The following RPRD1B variants were observed in gnomAD, a reference collection of about 807,000 sequenced individuals.
The protein encoded by RPRD1B is regulation of nuclear pre-mRNA domain-containing protein 1B.
Under a neutral mutation model 41.5 loss-of-function variants are expected in RPRD1B, and 11 were observed. That is an observed-to-expected ratio of 0.27 (90% confidence interval 0.17 to 0.44). The LOEUF is 0.44. Among genes scored for constraint, RPRD1B ranks in the 20% least tolerant of loss-of-function variants. The probability of loss-of-function intolerance (pLI) is 1.00; values close to 1 mark genes in which losing one functional copy is unlikely to be tolerated. For synonymous variants in RPRD1B, 158 were observed against 155.6 expected, an observed-to-expected ratio of 1.02 and a Z score of -0.12; for missense variants, 248 against 389.9, an observed-to-expected ratio of 0.64 and a Z score of 3.06.
rs569249680 is a variant in RPRD1B at position 38,053,090 on chromosome 20, C to T, written c.416-4442C>T. 6.6e-5 allele frequency among the ~76,000 whole-genome samples: 10 copies of T among 152,096 alleles called. No individual in the cohort carries two copies. The East Asian group carries it at 1.2e-3, about 18-fold the overall frequency. ...GACTTTGGCTACCCCCACAGTTTGT[C>T]CTGCCTGTAAACAGAGTGGTTGAGT... On this transcript the variant is annotated intron_variant, in intron 3 of 6. Transcript: ENST00000373433.
chr20:38,049,336 A>G (rs1463034922), intron 3 of RPRD1B, among the ~76,000 whole-genome samples: 1 of 136,982 alleles, frequency 7.3e-6, no homozygotes, highest in African/African-American at 2.7e-5. Context: ...ATAAGAGCTT[A>G]TATTATTTTT....
At chr20:38,039,067 A>G (rs928886917) in intron 1 of RPRD1B, among the ~76,000 whole-genome samples, 1 of 152,238 alleles carries the variant, frequency 6.6e-6, no homozygotes, top group Admixed American at 6.5e-5. Context: ...TTGAGAAATT[A>G]TGTGCATAGA....
At chr20:38,068,197 G>T (rs2074376644) in intron 6 of RPRD1B, among the ~76,000 whole-genome samples, 1 of 152,188 alleles carries the variant, frequency 6.6e-6, no homozygotes, top group African/African-American at 2.4e-5. Context: ...GCTCTGCGCG[G>T]TTCATTCAGT....
chr20:38,084,381 T>C (rs1357557919), intron 6 of RPRD1B, among the ~76,000 whole-genome samples: 1 of 152,174 alleles, frequency 6.6e-6, no homozygotes, highest in Admixed American at 6.5e-5. Context: ...GGCAAGATGA[T>C]GGAGATTTCC....
intron 3 of RPRD1B, among the ~76,000 whole-genome samples, chr20:38,052,302 TTA>T (rs1456250621): frequency 6.6e-6 from 1 of 152,212 alleles, no homozygotes; most frequent in Non-Finnish European, 1.5e-5. Context: ...GAAGAGGTTT[TTA>T]ATATTTTCAG....
At position 38,035,557 on chromosome 20, in the gene RPRD1B, G is replaced by A. The variant is rs535018363; in HGVS notation, c.151+1459G>A. Among the ~76,000 whole-genome samples, 5 of 152,300 alleles carry A rather than the reference G, an allele frequency of 3.3e-5. No individual in the cohort carries two copies. In the South Asian group the frequency reaches 8.3e-4, roughly 25 times the overall value. On this transcript the variant is annotated intron_variant, in intron 1 of 6. Coordinates refer to ENST00000373433, the MANE Select transcript of RPRD1B (RefSeq NM_021215.4). ...AGCAGGGACTGCCCCCAAATATCGC[G>A]TACTGTACTGAGATAGGGATCCCCT...
chr20:38,040,370 C>T, intron 1 of RPRD1B, 65 bp from the exon 2 acceptor site: 1 of 1,401,836 alleles, frequency 7.1e-7, no homozygotes, highest in Non-Finnish European at 9.6e-7. Flanking sequence ...CAGCCCAGGG[C>T]AAAAGAATTG....
chr20:38,079,001 G>C (rs6013839), intron 6 of RPRD1B, among the ~76,000 whole-genome samples: 40,443 of 151,980 alleles, frequency 0.27, 7,280 homozygotes, highest in African/African-American at 0.52. Flanking sequence ...GTCTTTTCTT[G>C]ACATATTATA....
intron 5 of RPRD1B, among the ~76,000 whole-genome samples, chr20:38,065,168 A>C (rs187141518): frequency 1.7e-4 from 26 of 152,312 alleles, no homozygotes; most frequent in Admixed American, 9.8e-4. Flanking sequence ...TGTAGGAAGA[A>C]GTTCATCCCC....
chr20:38,052,752 GTTTTTTTTTTTTT>G (rs146687415), intron 3 of RPRD1B, among the ~76,000 whole-genome samples: 9 of 81,698 alleles, frequency 1.1e-4, no homozygotes, highest in Middle Eastern at 8.9e-3. Flanking sequence ...CAAACGCGGT[GTTTTTTTTTTTTT>G]TTTTTTTTTT....
In RPRD1B at chr20:38,082,925, A is replaced by C. The variant is rs952171005; in HGVS notation, c.832-6801A>C. Among the ~76,000 whole-genome samples, 3 of 152,368 alleles carry C rather than the reference A, an allele frequency of 2.0e-5. No homozygotes were observed. In the South Asian group the frequency reaches 6.2e-4, roughly 32 times the overall value. On this transcript the variant is annotated intron_variant, in intron 6 of 6. Transcript: ENST00000373433. ...CTAAAAACTACAATAAACATTGCTT[A>C]AAAGAATTTTACATGATACAACCAA...
At chr20:38,038,183 G>A (rs539656402) in intron 1 of RPRD1B, among the ~76,000 whole-genome samples, 62 of 152,212 alleles carry the variant, frequency 4.1e-4, no homozygotes, top group African/African-American at 1.4e-3. Context: ...TTACCAGAAG[G>A]TTAAGACAAT....
intron 6 of RPRD1B, among the ~76,000 whole-genome samples, chr20:38,078,166 CAAA>C (rs1166192655): frequency 1.0e-4 from 11 of 109,888 alleles, no homozygotes; most frequent in African/African-American, 1.3e-4. Context: ...CAGGCTGTCT[CAAA>C]AAAAAAAAAA....
At chr20:38,086,513 T>C (rs537579881) in intron 6 of RPRD1B, among the ~76,000 whole-genome samples, 7 of 152,294 alleles carry the variant, frequency 4.6e-5, no homozygotes, top group African/African-American at 1.7e-4. Context: ...GTGTTTTTCA[T>C]TTTTTTGTGG....
chr20:38,054,694 G>A (rs895161131), intron 3 of RPRD1B, among the ~76,000 whole-genome samples: 1 of 152,206 alleles, frequency 6.6e-6, no homozygotes, highest in Non-Finnish European at 1.5e-5. Context: ...AATAATTTCT[G>A]TGTGAGAGTT....
intron 2 of RPRD1B, among the ~76,000 whole-genome samples, chr20:38,041,142 A>G (rs887769250): frequency 1.4e-5 from 2 of 142,142 alleles, no homozygotes; most frequent in Non-Finnish European, 3.0e-5. Flanking sequence ...CATAGAAAGC[A>G]TACATTGGAT....
chr20:38,061,614 C>T (rs922968026), intron 5 of RPRD1B, among the ~76,000 whole-genome samples: 1 of 152,146 alleles, frequency 6.6e-6, no homozygotes, highest in African/African-American at 2.4e-5. Context: ...TTCTTGACCT[C>T]ATATCTTCCT....
intron 2 of RPRD1B, among the ~76,000 whole-genome samples, 169 bp downstream of exon 2, chr20:38,040,733 G>A (rs997596229): frequency 6.6e-6 from 1 of 152,176 alleles, no homozygotes; most frequent in Non-Finnish European, 1.5e-5. Flanking sequence ...GAACTATCGA[G>A]ACATGTAAAC....
At position 38,057,593 on chromosome 20, in the gene RPRD1B, C is replaced by T. The variant is rs546528471; in HGVS notation, c.477C>T (p.Asp159=). The part of the protein sequence containing the change: ...TFQQIQEEED[D]DYPGSYSPQD... ...AGCAAATTCAGGAGGAGGAGGATGA[C>T]GACTACCCTGGCAGCTACTCTCCTC... Residue 159 remains aspartate (D), a synonymous_variant, in exon 4 of 7, where the codon GAC becomes GAT. Transcript: ENST00000373433. 33 of 1,613,996 alleles carry T rather than the reference C, an allele frequency of 2.0e-5. No homozygotes were observed. Among genetic ancestry groups the T allele is most frequent in the African/African-American group, 1.7e-4 (13 of 74,906 alleles).
Sources: allele counts gnomAD v4.1 joint callset (sites outside exome capture counted in the v4.1 genomes callset), GRCh38; gene constraint gnomAD v4.1.1; transcripts MANE v1.5; gene names NCBI Gene and HGNC (gene_info 2026-07-23, HGNC 2026-07-21).